The following SLC9C1 variants were observed in gnomAD, a reference collection of about 807,000 sequenced individuals.
SLC9C1 encodes sodium/hydrogen exchanger 10.
A neutral mutation model predicts 140.9 loss-of-function variants in SLC9C1; 97 were observed. The ratio of observed to expected loss-of-function variants is 0.69; its 90% CI spans 0.58 to 0.82. SLC9C1 has a LOEUF of 0.82. Ranked by LOEUF, SLC9C1 falls within the 40% of genes least tolerant of loss-of-function variation. The pLI, the probability that SLC9C1 is intolerant of heterozygous loss-of-function variation, is 0.00. For missense variants in SLC9C1, 1,340 were observed against 1,389.3 expected (o/e 0.96, Z 0.56); for synonymous variants, 440 against 442.6 (o/e 0.99, Z 0.07).
intron 13 of SLC9C1, among the ~76,000 whole-genome samples, chr3:112,223,942 T>C (rs1274390996): frequency 2.0e-5 from 3 of 152,178 alleles, no homozygotes. Context: ...CAGCAAAATG[T>C]CAAGTGAGCT....
intron 15 of SLC9C1, among the ~76,000 whole-genome samples, chr3:112,215,389 T>C (rs2078331117): frequency 6.6e-6 from 1 of 152,072 alleles, no homozygotes; most frequent in Admixed American, 6.5e-5. Context: ...AAATAAAGGG[T>C]AGTCAATTAG....
intron 2 of SLC9C1, among the ~76,000 whole-genome samples, chr3:112,284,846 A>C (rs2080458153): frequency 1.3e-5 from 2 of 152,132 alleles, no homozygotes; most frequent in African/African-American, 4.8e-5. Context: ...ACTATTCTTT[A>C]TAAAATTATA....
At chr3:112,277,280 A>G (rs1452817150) in intron 5 of SLC9C1, among the ~76,000 whole-genome samples, 1 of 152,134 alleles carries the variant, frequency 6.6e-6, no homozygotes, top group African/African-American at 2.4e-5. Context: ...TGATGATGAC[A>G]ATGACTCCAA....
chr3:112,159,989 A>T (rs1035437827), intron 26 of SLC9C1, among the ~76,000 whole-genome samples: 1 of 151,820 alleles, frequency 6.6e-6, no homozygotes. Flanking sequence ...GGCAGCATAT[A>T]GTTGGGTTTT....
At chr3:112,216,767 C>T (rs1356785278) in intron 15 of SLC9C1, among the ~76,000 whole-genome samples, 1 of 152,148 alleles carries the variant, frequency 6.6e-6, no homozygotes, top group South Asian at 2.1e-4. Flanking sequence ...GGGCTGTAAC[C>T]GAGTTCAACC....
intron 2 of SLC9C1, among the ~76,000 whole-genome samples, chr3:112,286,249 T>G (rs1304187472): frequency 6.6e-6 from 1 of 152,208 alleles, no homozygotes; most frequent in African/African-American, 2.4e-5. Context: ...CCATTTCATT[T>G]TTTTCTGCTT....
At chr3:112,228,357 A>G (rs2078734873) in intron 13 of SLC9C1, among the ~76,000 whole-genome samples, 1 of 152,096 alleles carries the variant, frequency 6.6e-6, no homozygotes, top group Admixed American at 6.6e-5. Context: ...AGATGAATGA[A>G]ACTAAACCCT....
intron 26 of SLC9C1, among the ~76,000 whole-genome samples, chr3:112,161,289 T>A (rs2075290767): frequency 6.6e-6 from 1 of 152,248 alleles, no homozygotes; most frequent in African/African-American, 2.4e-5. Context: ...ATCCCATTTG[T>A]CAATTTTGGC....
At chr3:112,213,141 C>G (rs554708221) in intron 15 of SLC9C1, among the ~76,000 whole-genome samples, 59 of 152,278 alleles carry the variant, frequency 3.9e-4, no homozygotes, top group Non-Finnish European at 4.7e-4. Flanking sequence ...AAATCCTTTA[C>G]AGAAAAGCAA....
intron 5 of SLC9C1, among the ~76,000 whole-genome samples, chr3:112,275,776 C>T (rs1341354383): frequency 6.6e-6 from 1 of 152,182 alleles, no homozygotes; most frequent in Non-Finnish European, 1.5e-5. Context: ...AACACCAAGG[C>T]TGTTCCTGTG....
At chr3:112,236,182 C>T (rs952972576) in intron 12 of SLC9C1, among the ~76,000 whole-genome samples, 4 of 152,128 alleles carry the variant, frequency 2.6e-5, no homozygotes, top group African/African-American at 9.7e-5. Context: ...TTAACTTCTT[C>T]CTGGTTTAGT....
At position 112,275,009 on chromosome 3, in the gene SLC9C1, G is replaced by A; in HGVS notation, c.501C>T (p.Leu167=). Residue 167 remains leucine, a synonymous_variant, in exon 6 of 29, where the codon CTC becomes CTT. Coordinates refer to ENST00000305815, the MANE Select transcript of SLC9C1 (RefSeq NM_183061.3). The stretch of plus-strand genomic sequence containing the variant: ...GACTTTCTCCATTAATTAAACTGAT[G>A]AGGCTTCTAGAAAGCCCTACATATG... ...AIRDLGLSRS[L]ISLINGESLM... is the part of the protein sequence containing the mutation. The A allele has an allele frequency of 1.3e-6, 2 of 1,570,598 alleles. No homozygotes were observed. The highest frequency in any genetic ancestry group is 1.7e-6 in the Non-Finnish European group (2 of 1,167,100).
At chr3:112,275,911 C>A (rs1345313792) in intron 5 of SLC9C1, among the ~76,000 whole-genome samples, 1 of 151,678 alleles carries the variant, frequency 6.6e-6, no homozygotes, top group African/African-American at 2.4e-5. Flanking sequence ...TCGATGAGAG[C>A]AGAAAATTTC....
intron 28 of SLC9C1, among the ~76,000 whole-genome samples, chr3:112,144,694 G>A (rs2074733978): frequency 6.6e-6 from 1 of 152,028 alleles, no homozygotes. Flanking sequence ...TAAGGTTTGT[G>A]TGTGTGTGTA....
At chr3:112,186,866 A>C (rs2077550705) in intron 20 of SLC9C1, among the ~76,000 whole-genome samples, 1 of 152,208 alleles carries the variant, frequency 6.6e-6, no homozygotes, top group South Asian at 2.1e-4. Context: ...GGTCTTTTTC[A>C]TAAATTATGC....
At chr3:112,163,380 A>G (rs2075365180) in intron 26 of SLC9C1, among the ~76,000 whole-genome samples, 1 of 147,638 alleles carries the variant, frequency 6.8e-6, no homozygotes, top group Non-Finnish European at 1.5e-5. Flanking sequence ...TCAATTTTGG[A>G]TCTTTCCTGC....
intron 15 of SLC9C1, among the ~76,000 whole-genome samples, chr3:112,217,060 A>C (rs2078396647): frequency 6.6e-6 from 1 of 152,196 alleles, no homozygotes; most frequent in South Asian, 2.1e-4. Flanking sequence ...TTGTAGGGAC[A>C]TGGATGAAGC....
intron 28 of SLC9C1, 137 bp downstream of exon 28, chr3:112,151,720 A>T (rs1489457502): frequency 2.9e-6 from 2 of 696,232 alleles, no homozygotes; most frequent in Non-Finnish European, 2.6e-6. Flanking sequence ...GAAACACTGT[A>T]ATTAGAAGAA....
In SLC9C1 at chr3:112,179,644, C is replaced by A. The variant is rs1184131991; in HGVS notation, c.2806G>T (p.Asp936Tyr). The change falls in exon 23 of 29, where the codon GAT (aspartate) becomes TAT (tyrosine). Residue 936 changes from aspartate to tyrosine, a missense_variant. Coordinates refer to ENST00000305815, the MANE Select transcript of SLC9C1 (RefSeq NM_183061.3). ...IDQMVESKEKDFPIIDTDYML... is the reference protein window; with the variant it reads ...IDQMVESKEKYFPIIDTDYML... ...TAGTCTGTGTCAATTATCGGAAAAT[C>A]TTTCTCCTTTGACTCCACCATTTGA... 1 of 1,611,644 alleles carries A rather than the reference C, an allele frequency of 6.2e-7. No individual in the cohort carries two copies. The highest frequency in any genetic ancestry group is 8.5e-7 in the Non-Finnish European group (1 of 1,179,042).
Sources: allele counts gnomAD v4.1 joint callset (sites outside exome capture counted in the v4.1 genomes callset), GRCh38; gene constraint gnomAD v4.1.1; transcripts MANE v1.5; gene names NCBI Gene and HGNC (gene_info 2026-07-23, HGNC 2026-07-21).